The following CCSER1 variants were observed in gnomAD, a reference collection of about 807,000 sequenced individuals.
CCSER1 encodes the protein coiled-coil serine rich protein 1, also known as serine-rich coiled-coil domain-containing protein 1.
In CCSER1, 41 loss-of-function variants were observed where a neutral mutation model predicts 82.0. The observed-to-expected ratio is 0.50, with a 90% CI of 0.39 to 0.65. The LOEUF (loss-of-function observed/expected upper bound fraction) is 0.65. Among genes scored for constraint, CCSER1 ranks in the 30% least tolerant of loss-of-function variants. The pLI, the probability that CCSER1 is intolerant of heterozygous loss-of-function variation, is 0.00. For missense variants in CCSER1, 1,119 were observed against 1,064.2 expected (o/e 1.05, Z -0.72); for synonymous variants, 414 against 383.9 (o/e 1.08, Z -0.92).
At chr4:90,955,823 C>T (rs1464204700) in intron 9 of CCSER1, among the ~76,000 whole-genome samples, 1 of 152,118 alleles carries the variant, frequency 6.6e-6, no homozygotes, top group Non-Finnish European at 1.5e-5. Context: ...CACCATTCTA[C>T]TTATTCGTAA....
chr4:91,307,040 G>T (rs1745117124), intron 10 of CCSER1, among the ~76,000 whole-genome samples: 1 of 151,260 alleles, frequency 6.6e-6, no homozygotes, highest in South Asian at 2.1e-4. Flanking sequence ...TTTTCTTTAG[G>T]GTATGATGTT....
intron 10 of CCSER1, among the ~76,000 whole-genome samples, chr4:91,250,530 C>A (rs192162699): frequency 6.6e-6 from 1 of 151,542 alleles, no homozygotes; most frequent in East Asian, 1.9e-4. Context: ...TTGGATTCCC[C>A]TAAATTTAGA....
chr4:90,502,439 G>A (rs964147780), intron 5 of CCSER1, among the ~76,000 whole-genome samples: 3 of 152,202 alleles, frequency 2.0e-5, no homozygotes, highest in Admixed American at 2.0e-4. Context: ...TTAACATTGG[G>A]GATTTCAATT....
chr4:90,158,202 CCG>C (rs1728672547), intron 1 of CCSER1, among the ~76,000 whole-genome samples: 1 of 152,190 alleles, frequency 6.6e-6, no homozygotes, highest in South Asian at 2.1e-4. Context: ...TTTTCGTGAA[CCG>C]CAAATGCTGC....
At chr4:90,705,702 C>T (rs1580053098) in intron 6 of CCSER1, among the ~76,000 whole-genome samples, 1 of 152,314 alleles carries the variant, frequency 6.6e-6, no homozygotes, top group Middle Eastern at 3.4e-3. Flanking sequence ...CTCACTGCCT[C>T]CTTTGCAGTT....
intron 9 of CCSER1, among the ~76,000 whole-genome samples, chr4:90,985,975 A>G (rs1006110972): frequency 6.6e-6 from 1 of 151,762 alleles, no homozygotes; most frequent in Non-Finnish European, 1.5e-5. Flanking sequence ...TAATAACATT[A>G]AGTAAATCAG....
chr4:90,874,584 GTATCTA>G (rs763776376), intron 8 of CCSER1, among the ~76,000 whole-genome samples: 18 of 152,028 alleles, frequency 1.2e-4, no homozygotes, highest in Non-Finnish European at 2.2e-4. Flanking sequence ...ACATTCCTAA[GTATCTA>G]TTTCTAACTT....
At chr4:90,962,986 CAA>C (rs758579829) in intron 9 of CCSER1, among the ~76,000 whole-genome samples, 1 of 146,806 alleles carries the variant, frequency 6.8e-6, no homozygotes, top group East Asian at 2.0e-4. Flanking sequence ...TCTAGTTTAG[CAA>C]AAAAAAAATC....
intron 9 of CCSER1, among the ~76,000 whole-genome samples, chr4:90,949,077 T>C (rs1035954224): frequency 2.6e-5 from 4 of 152,130 alleles, no homozygotes; most frequent in African/African-American, 9.6e-5. Context: ...TTTAGGATTA[T>C]CTTATAAATT....
chr4:90,406,163 GA>G (rs1351842012), intron 4 of CCSER1, among the ~76,000 whole-genome samples: 3 of 152,048 alleles, frequency 2.0e-5, no homozygotes, highest in African/African-American at 7.2e-5. Flanking sequence ...TAAAGGGGTG[GA>G]AAAAGATATT....
intron 8 of CCSER1, among the ~76,000 whole-genome samples, chr4:90,818,484 G>A (rs764816064): frequency 3.3e-5 from 5 of 152,036 alleles, no homozygotes; most frequent in Non-Finnish European, 7.4e-5. Context: ...CGCCATGTTG[G>A]CTAGCTGGTC....
At chr4:90,208,739 T>A (rs1739402855) in intron 1 of CCSER1, among the ~76,000 whole-genome samples, 1 of 152,128 alleles carries the variant, frequency 6.6e-6, no homozygotes, top group Non-Finnish European at 1.5e-5. Context: ...CCCTCCTGGC[T>A]TCCCTTGGCT....
chr4:91,162,502 A>G (rs1049905149), intron 10 of CCSER1, among the ~76,000 whole-genome samples: 1 of 152,176 alleles, frequency 6.6e-6, no homozygotes, highest in African/African-American at 2.4e-5. Context: ...TTCAGAAGGA[A>G]TGGTACCAGC....
In CCSER1 at chr4:90,308,585, C is replaced by A. The variant is rs543876065; in HGVS notation, c.301C>A (p.Gln101Lys). Residue 101 changes from glutamine (Q) to lysine (K), a missense_variant, in exon 2 of 11, where the codon CAG becomes AAG. By Grantham distance (53) the Gln-to-Lys change is moderately conservative. Coordinates refer to ENST00000509176, the MANE Select transcript of CCSER1 (RefSeq NM_001145065.2). ...TGCTCAACCTGGTCACAGCAATATG[C>A]AGAAACTGAGTTTGGAAGAACATAT... The part of the protein sequence containing the change: ...NGAQPGHSNM[Q>K]KLSLEEHIKT... The A allele has an allele frequency of 3.5e-5, 56 of 1,613,856 alleles. No individual in the cohort carries two copies. In the South Asian group the frequency reaches 4.6e-4, roughly 13 times the overall value.
At chr4:90,756,409 T>A (rs1372689188) in intron 7 of CCSER1, among the ~76,000 whole-genome samples, 1 of 152,010 alleles carries the variant, frequency 6.6e-6, no homozygotes, top group Non-Finnish European at 1.5e-5. Flanking sequence ...AAACAACTTT[T>A]CAACATTTTT....
At chr4:91,159,116 G>A (rs965062399) in intron 10 of CCSER1, among the ~76,000 whole-genome samples, 1 of 151,808 alleles carries the variant, frequency 6.6e-6, no homozygotes, top group African/African-American at 2.4e-5. Context: ...CATTTGAGAT[G>A]TTACTAACAT....
intron 4 of CCSER1, among the ~76,000 whole-genome samples, chr4:90,417,121 C>T (rs1335877411): frequency 1.3e-5 from 2 of 152,124 alleles, no homozygotes; most frequent in Non-Finnish European, 2.9e-5. Context: ...ACCTAGATGA[C>T]GGGTTGATAG....
chr4:91,096,080 G>A (rs7670089), intron 10 of CCSER1, among the ~76,000 whole-genome samples: 99,495 of 152,006 alleles, frequency 0.65, 32,978 homozygotes, highest in East Asian at 0.95. Context: ...TATTTTTCCA[G>A]TTGAGGAGGT....
chr4:91,163,627 C>CAT (rs909191770), intron 10 of CCSER1, among the ~76,000 whole-genome samples: 2 of 152,120 alleles, frequency 1.3e-5, no homozygotes, highest in Admixed American at 6.5e-5. Flanking sequence ...GTGTTGGGTA[C>CAT]ATATATATTT....
Sources: allele counts gnomAD v4.1 joint callset (sites outside exome capture counted in the v4.1 genomes callset), GRCh38; gene constraint gnomAD v4.1.1; transcripts MANE v1.5; gene names NCBI Gene and HGNC (gene_info 2026-07-23, HGNC 2026-07-21).